ARHGEF3: variants seen among roughly 807,000 people sequenced by gnomAD.
ARHGEF3 encodes the protein 59.8 kDA protein.
ARHGEF3 carries 28 observed loss-of-function variants against 63.2 expected under a neutral mutation model. The ratio of observed to expected loss-of-function variants is 0.44; its 90% CI spans 0.33 to 0.61. ARHGEF3 has a LOEUF of 0.61. Ranked by LOEUF, ARHGEF3 falls within the 20% of genes least tolerant of loss-of-function variation. The probability of loss-of-function intolerance (pLI) is 0.03; values close to 1 mark genes in which losing one functional copy is unlikely to be tolerated. For synonymous variants in ARHGEF3, 266 were observed against 254.2 expected, an observed-to-expected ratio of 1.05 and a Z score of -0.44; for missense variants, 533 against 659.3, an observed-to-expected ratio of 0.81 and a Z score of 2.10.
At chr3:56,842,034 A>G (rs1236594112) in intron 4 of ARHGEF3, among the ~76,000 whole-genome samples, 1 of 152,196 alleles carries the variant, frequency 6.6e-6, no homozygotes, top group Non-Finnish European at 1.5e-5. Context: ...GAAAAATGCC[A>G]TATGAAGTAG....
At chr3:56,861,614 T>A (rs1457266050) in intron 4 of ARHGEF3, among the ~76,000 whole-genome samples, 1 of 152,040 alleles carries the variant, frequency 6.6e-6, no homozygotes, top group Non-Finnish European at 1.5e-5. Flanking sequence ...ATCTCCCACT[T>A]CTTAAATGGA....
chr3:56,743,487 G>C (rs2034179038), intron 7 of ARHGEF3, among the ~76,000 whole-genome samples: 3 of 152,204 alleles, frequency 2.0e-5, no homozygotes, highest in Admixed American at 2.0e-4. Context: ...ACCTGGGCAA[G>C]CTATTTAACC....
intron 3 of ARHGEF3, among the ~76,000 whole-genome samples, chr3:56,945,883 C>T (rs556178915): frequency 3.9e-5 from 6 of 152,298 alleles, no homozygotes; most frequent in Admixed American, 6.5e-5. Flanking sequence ...CCCCCCAGTA[C>T]GGGCAGACTG....
rs116531377 is a variant in ARHGEF3, at chr3:56,773,772, C to T, written c.141G>A (p.Ser47=). Reference sequence around the variant, plus strand: ...TCACGGGCGGGATGAGGTTTGCTAGCGACGTGACTCGGGAAAGGGGTTTGA... The same window carrying T: ...TCACGGGCGGGATGAGGTTTGCTAGTGACGTGACTCGGGAAAGGGGTTTGA... ...KRVKPLSRVT[S]LANLIPPVKA... The change falls in exon 2 of 10, where the codon TCG becomes TCA. Residue 47 remains serine (S), a synonymous_variant. Coordinates refer to ENST00000296315, the MANE Select transcript of ARHGEF3 (RefSeq NM_019555.3). 2.4e-4 allele frequency: 385 copies of T among 1,600,316 alleles called. 4 individuals are homozygous for T. The East Asian group carries it at 7.9e-3, about 33-fold the overall frequency.
At chr3:56,889,158 C>T (rs2041029525) in intron 3 of ARHGEF3, among the ~76,000 whole-genome samples, 1 of 152,088 alleles carries the variant, frequency 6.6e-6, no homozygotes, top group Non-Finnish European at 1.5e-5. Flanking sequence ...CTGTGGCTAT[C>T]TCTTTTTAGG....
chr3:57,069,118 T>C (rs1705734184), intron 1 of ARHGEF3, among the ~76,000 whole-genome samples: 1 of 152,072 alleles, frequency 6.6e-6, no homozygotes, highest in Non-Finnish European at 1.5e-5. Flanking sequence ...AGACGGGGTT[T>C]CACCATCTTG....
intron 3 of ARHGEF3, among the ~76,000 whole-genome samples, chr3:56,951,125 G>A (rs886502217): frequency 6.6e-6 from 1 of 151,582 alleles, no homozygotes; most frequent in Non-Finnish European, 1.5e-5. Flanking sequence ...ACCGGGGCCT[G>A]TTGTGCGGTG....
At chr3:56,748,332 T>C (rs1328244144) in intron 6 of ARHGEF3, among the ~76,000 whole-genome samples, 3 of 152,110 alleles carry the variant, frequency 2.0e-5, no homozygotes, top group African/African-American at 7.2e-5. Context: ...GCTTGGGCCC[T>C]AGAATATTTT....
intron 4 of ARHGEF3, among the ~76,000 whole-genome samples, chr3:56,862,966 C>A (rs1023042432): frequency 1.3e-5 from 2 of 152,012 alleles, no homozygotes; most frequent in Non-Finnish European, 2.9e-5. Flanking sequence ...AAAAAGGCAA[C>A]CTAATTAAAG....
At chr3:57,054,606 T>A (rs1438553933) in intron 1 of ARHGEF3, among the ~76,000 whole-genome samples, 2 of 149,766 alleles carry the variant, frequency 1.3e-5, no homozygotes, top group African/African-American at 4.9e-5. Flanking sequence ...ACCACTGCAC[T>A]CCAGCCTGGG....
intron 2 of ARHGEF3, among the ~76,000 whole-genome samples, chr3:57,031,366 T>C (rs892752388): frequency 4.7e-4 from 72 of 152,366 alleles, no homozygotes; most frequent in African/African-American, 1.7e-3. Flanking sequence ...TCACTCTATA[T>C]GCGACTAAAA....
chr3:57,069,887 C>T (rs1186057240), intron 1 of ARHGEF3, among the ~76,000 whole-genome samples: 2 of 152,234 alleles, frequency 1.3e-5, no homozygotes, highest in Non-Finnish European at 2.9e-5. Flanking sequence ...TGAGGCAATG[C>T]TCCCACTTCA....
At chr3:57,040,236 T>G (rs553247495) in intron 1 of ARHGEF3, among the ~76,000 whole-genome samples, 13 of 152,238 alleles carry the variant, frequency 8.5e-5, no homozygotes, top group East Asian at 1.9e-4. Context: ...CCAGCACTTT[T>G]GGAGGCCAAG....
intron 3 of ARHGEF3, among the ~76,000 whole-genome samples, chr3:56,920,448 A>C (rs149666421): frequency 6.6e-6 from 1 of 152,216 alleles, no homozygotes; most frequent in East Asian, 1.9e-4. Flanking sequence ...AGAAGTTCCA[A>C]GCAATTTCCT....
At chr3:56,919,386 T>C (rs2042068215) in intron 3 of ARHGEF3, among the ~76,000 whole-genome samples, 1 of 152,236 alleles carries the variant, frequency 6.6e-6, no homozygotes, top group Non-Finnish European at 1.5e-5. Context: ...TGTAACATCT[T>C]ATTTTTTTCA....
At chr3:56,863,335 T>C (rs7626199) in intron 4 of ARHGEF3, among the ~76,000 whole-genome samples, 89,962 of 149,646 alleles carry the variant, frequency 0.6, 27,510 homozygotes, top group East Asian at 0.77. Context: ...TGTCTCACTG[T>C]GTCGCCCAGG....
At chr3:56,826,402 C>T (rs75930623) in intron 4 of ARHGEF3, among the ~76,000 whole-genome samples, 3 of 152,078 alleles carry the variant, frequency 2.0e-5, no homozygotes, top group South Asian at 2.1e-4. Context: ...CTTTTTTGCA[C>T]TATTCAGGAT....
At chr3:56,782,721 A>C (rs1017874334) in intron 1 of ARHGEF3, among the ~76,000 whole-genome samples, 10 of 152,134 alleles carry the variant, frequency 6.6e-5, no homozygotes, top group Non-Finnish European at 1.2e-4. Flanking sequence ...GGATAACTAA[A>C]ATCCACAAAA....
chr3:56,944,185 A>AAAAAC (rs1369347047), intron 3 of ARHGEF3, among the ~76,000 whole-genome samples: 5 of 152,326 alleles, frequency 3.3e-5, no homozygotes, highest in Admixed American at 1.3e-4. Context: ...AACAAAAAAC[A>AAAAAC]AAAACAAAAC....
Sources: gnomAD v4.1 joint callset for allele counts (sites outside exome capture counted in the v4.1 genomes callset) on GRCh38, gnomAD v4.1.1 for gene constraint, MANE v1.5 for transcripts, NCBI Gene and HGNC (gene_info 2026-07-23, HGNC 2026-07-21) for gene names.